The following TRIO variants were observed in gnomAD, a reference collection of about 807,000 sequenced individuals.
TRIO encodes triple functional domain protein.
In TRIO, 58 loss-of-function variants were observed where a neutral mutation model predicts 351.9. The observed-to-expected ratio is 0.16, with a 90% CI of 0.13 to 0.21. The LOEUF (loss-of-function observed/expected upper bound fraction) is 0.21, where lower values mean the gene tolerates loss of function less well. TRIO is among the 10% of genes least tolerant of loss of function. The pLI is 1.00. For synonymous variants in TRIO, 1,758 were observed against 1,595.7 expected (o/e 1.10, Z -2.42); for missense variants, 3,201 against 4,027.8 (o/e 0.79, Z 5.56).
chr5:14,186,830 G>A (rs1379988717), intron 1 of TRIO, among the ~76,000 whole-genome samples: 6 of 151,966 alleles, frequency 3.9e-5, no homozygotes, highest in Non-Finnish European at 8.8e-5. Context: ...CACCTGTCTC[G>A]GCCTCCCAAA....
intron 49 of TRIO, among the ~76,000 whole-genome samples, chr5:14,493,338 G>A (rs938989591): frequency 6.6e-6 from 1 of 152,000 alleles, no homozygotes; most frequent in Non-Finnish European, 1.5e-5. Context: ...GCAACCCTAT[G>A]TCAAGCAAGT....
At chr5:14,354,653 T>G (rs1298620419) in intron 11 of TRIO, among the ~76,000 whole-genome samples, 1 of 152,260 alleles carries the variant, frequency 6.6e-6, no homozygotes, top group Non-Finnish European at 1.5e-5. Context: ...GATGTACATT[T>G]GCTTAAATCA....
intron 34 of TRIO, among the ~76,000 whole-genome samples, chr5:14,452,230 C>T (rs27109): frequency 0.27 from 40,424 of 152,130 alleles, 6,308 homozygotes; most frequent in African/African-American, 0.43. Context: ...GGGCCTGGGG[C>T]GCTTGTCCTT....
chr5:14,503,577 C>T (rs576464641), intron 54 of TRIO, among the ~76,000 whole-genome samples: 19 of 152,354 alleles, frequency 1.2e-4, no homozygotes, highest in Non-Finnish European at 1.9e-4. Context: ...GGCTCCCCCA[C>T]GTGAGGGCAG....
chr5:14,430,818 G>C (rs1406190908), intron 34 of TRIO, among the ~76,000 whole-genome samples: 1 of 151,830 alleles, frequency 6.6e-6, no homozygotes, highest in Admixed American at 6.6e-5. Flanking sequence ...CGAGTTCAAG[G>C]GATTCTCCTG....
At position 14,321,274 on chromosome 5, in the gene TRIO, C is replaced by T. The variant is rs535378806; in HGVS notation, c.1731+4531C>T. On this transcript the variant is annotated intron_variant, in intron 9 of 56. Transcript: ENST00000344204. ...GAAGAGGCAGGACCCATCCAAGGAG[C>T]GGCAAGTGCCTAGTGTGGATGGAGA... 5.9e-5 allele frequency among the ~76,000 whole-genome samples: 9 copies of T among 152,320 alleles called. No individual in the cohort carries two copies. In the East Asian group the frequency reaches 7.7e-4, roughly 13 times the overall value.
In TRIO at chr5:14,504,539, T is replaced by C. The variant is rs1757527491; in HGVS notation, c.8558T>C (p.Val2853Ala). 6.2e-7 allele frequency: 1 copy of C among 1,614,104 alleles called. No homozygotes were observed. The highest frequency in any genetic ancestry group is 8.5e-7 in the Non-Finnish European group (1 of 1,180,020). Residue 2853 changes from valine to alanine, a missense_variant, in exon 55 of 57, where the codon GTC becomes GCC. Val to Ala is a moderately conservative substitution (Grantham distance 64). Around this residue, in one of 19 missense-constraint regions of TRIO, gnomAD observed 1,089 missense variants for 954.9 expected, o/e 1.14. Transcript: ENST00000344204. Reference protein sequence around the residue: ...ILQSLQHPLLVGLLDTFETPT... With the variant: ...ILQSLQHPLLAGLLDTFETPT... ...CAGAGCCTCCAGCACCCCCTGCTTG[T>C]CGGCCTCCTCGACACCTTTGAGACC...
chr5:14,425,006 A>G (rs1442617354), intron 34 of TRIO, among the ~76,000 whole-genome samples: 1 of 152,248 alleles, frequency 6.6e-6, no homozygotes, highest in Non-Finnish European at 1.5e-5. Flanking sequence ...ACCCAAGAAC[A>G]TGGCTAACGC....
chr5:14,205,827 T>C (rs929936024), intron 1 of TRIO, among the ~76,000 whole-genome samples: 13 of 151,386 alleles, frequency 8.6e-5, no homozygotes, highest in African/African-American at 2.4e-4. Flanking sequence ...CTGCCTCCTA[T>C]GTTTAAGCGA....
chr5:14,488,296 C>G (rs573704220), intron 48 of TRIO, 36 bp downstream of exon 48: 12 of 1,521,336 alleles, frequency 7.9e-6, no homozygotes, highest in Admixed American at 5.9e-5. Flanking sequence ...CTCCCGCCCC[C>G]CTGCCTCTGT....
At chr5:14,482,832 C>T in intron 46 of TRIO, 59 bp downstream of exon 46, 1 of 1,376,432 alleles carries the variant, frequency 7.3e-7, no homozygotes, top group East Asian at 2.6e-5. Context: ...CACACCGATA[C>T]ACTGTTTCCT....
At chr5:14,403,549 T>TGTG (rs1356062723) in intron 31 of TRIO, among the ~76,000 whole-genome samples, 2 of 18,616 alleles carry the variant, frequency 1.1e-4, no homozygotes, top group Non-Finnish European at 1.9e-4. Flanking sequence ...GGGTGCAGGT[T>TGTG]GTGAGGGTGC....
At chr5:14,476,845 T>C in intron 40 of TRIO, 49 bp from the exon 41 acceptor site, 1 of 1,480,398 alleles carries the variant, frequency 6.8e-7, no homozygotes, top group Non-Finnish European at 9.2e-7. Flanking sequence ...AATCTAAAAT[T>C]AGAAGGCCAC....
chr5:14,488,038 G>T lies in TRIO; in HGVS notation c.7410G>T (p.Lys2470Asn). 1 of 1,606,512 alleles carries T rather than the reference G, an allele frequency of 6.2e-7. No individual in the cohort carries two copies. The highest frequency in any genetic ancestry group is 2.2e-5 in the East Asian group (1 of 44,532). Residue 2470 changes from lysine (K) to asparagine (N), a missense_variant, in exon 48 of 57, where the codon AAG (lysine) becomes AAT (asparagine). Around this residue, in one of 19 missense-constraint regions of TRIO, gnomAD observed 1,089 missense variants for 954.9 expected, o/e 1.14. Transcript: ENST00000344204. ...PLSSAVPSLG[K>N]EPFPPSSPLQ... ...CCAGCGCGGTCCCTTCTCTCGGCAA[G>T]GAGCCCTTCCCCCCCAGCAGCCCCC...
chr5:14,438,516 C>A (rs922434815), intron 34 of TRIO, among the ~76,000 whole-genome samples: 1 of 152,216 alleles, frequency 6.6e-6, no homozygotes, highest in African/African-American at 2.4e-5. Context: ...CCTGTTTTCA[C>A]CTCCTTCTCC....
At chr5:14,193,898 C>T (rs898856760) in intron 1 of TRIO, among the ~76,000 whole-genome samples, 2 of 151,796 alleles carry the variant, frequency 1.3e-5, no homozygotes, top group Non-Finnish European at 2.9e-5. Context: ...ACTGTGTGTT[C>T]GTGTGCCTGG....
chr5:14,463,020 G>A (rs1483935967), intron 36 of TRIO, 95 bp downstream of exon 36: 1 of 1,411,494 alleles, frequency 7.1e-7, no homozygotes, highest in East Asian at 2.7e-5. Context: ...TCAGGAGACA[G>A]GAGGCCCCAA....
At chr5:14,223,312 A>C (rs1439531009) in intron 1 of TRIO, among the ~76,000 whole-genome samples, 2 of 152,200 alleles carry the variant, frequency 1.3e-5, no homozygotes, top group Non-Finnish European at 2.9e-5. Context: ...GAGTTCCCCC[A>C]GAAAAACGAT....
intron 33 of TRIO, 43 bp downstream of exon 33, chr5:14,406,715 C>A (rs778450318): frequency 2.5e-6 from 4 of 1,587,356 alleles, no homozygotes; most frequent in Non-Finnish European, 2.6e-6. Context: ...GGAATGTGGC[C>A]AGTCTCTGGT....
Sources: allele counts gnomAD v4.1 joint callset (sites outside exome capture counted in the v4.1 genomes callset), GRCh38; gene constraint gnomAD v4.1.1; regional missense constraint gnomAD v4.1.1; transcripts MANE v1.5; gene names NCBI Gene and HGNC (gene_info 2026-07-23, HGNC 2026-07-21).